ALDH3A2: variants seen among roughly 807,000 people sequenced by gnomAD.
The protein encoded by ALDH3A2 is aldehyde dehydrogenase family 3 member A2.
A neutral mutation model predicts 51.3 loss-of-function variants in ALDH3A2; 36 were observed. The ratio of observed to expected loss-of-function variants is 0.70; its 90% CI spans 0.54 to 0.93. The LOEUF is 0.93. Ranked by LOEUF, ALDH3A2 falls within the 40% of genes least tolerant of loss-of-function variation. ALDH3A2 has a pLI of 0.00. For missense variants in ALDH3A2, 552 were observed against 603.1 expected (o/e 0.92, Z 0.89); for synonymous variants, 199 against 219.8 (o/e 0.91, Z 0.84).
Position 19,661,382 on chromosome 17 carries a change from C to T in ALDH3A2, c.940+114C>T, listed in dbSNP as rs1008615130. On this transcript the variant is annotated intron_variant, in intron 6 of 9. Coordinates refer to ENST00000176643, the MANE Select transcript of ALDH3A2 (RefSeq NM_000382.3). ...TATATAGCATTTAATTGTTAAAGTA[C>T]TAAATCCTGCTTTCTGGTATACTGT... 2.4e-6 allele frequency: 3 copies of T among 1,227,874 alleles called. No individual in the cohort carries two copies. In the African/African-American group the frequency reaches 4.5e-5, roughly 19 times the overall value. 76.1% of individuals were successfully genotyped at this position (1,227,874 alleles called of 1,614,324 possible).
intron 9 of ALDH3A2, chr17:19,672,338 G>A: frequency 4.0e-6 from 1 of 247,006 alleles, no homozygotes; most frequent in Non-Finnish European, 7.9e-6. Flanking sequence ...TTTTGGTATT[G>A]GACTTTCCTT....
chr17:19,667,178 A>G (rs2085050224), intron 8 of ALDH3A2, among the ~76,000 whole-genome samples: 1 of 152,186 alleles, frequency 6.6e-6, no homozygotes, highest in African/African-American at 2.4e-5. Flanking sequence ...ATCATACTAT[A>G]TATTGTTCTG....
At chr17:19,670,907 T>A (rs903034602) in intron 8 of ALDH3A2, among the ~76,000 whole-genome samples, 3 of 152,054 alleles carry the variant, frequency 2.0e-5, no homozygotes, top group Non-Finnish European at 4.4e-5. Context: ...TTTCTCATGG[T>A]CTTGTCCTTG....
At position 19,677,234 on chromosome 17, in the gene ALDH3A2, A is replaced by G. The variant is rs2085204403; in HGVS notation, c.*1662A>G. The G allele has an allele frequency of 6.6e-6, 1 of 152,242 alleles. No individual in the cohort carries two copies. 9.4% of individuals were successfully genotyped at this position (152,242 alleles called of 1,614,324 possible). On this transcript the variant is annotated 3_prime_UTR_variant, in exon 10 of 10. Transcript: ENST00000176643. ...TGTGATTTACTTTATAGAACGTATAATCAACTTTGTTGAATAATTTGTTCT... is the reference window on the plus strand; with the variant it reads ...TGTGATTTACTTTATAGAACGTATAGTCAACTTTGTTGAATAATTTGTTCT...
chr17:19,649,081 G>A lies in ALDH3A2; in HGVS notation c.110G>A (p.Arg37His). 1 of 1,583,428 alleles carries A rather than the reference G, an allele frequency of 6.3e-7. No homozygotes were observed. The highest frequency in any genetic ancestry group is 8.6e-7 in the Non-Finnish European group (1 of 1,165,444). Residue 37 changes from arginine to histidine, a missense_variant, in exon 1 of 10, where the codon CGC becomes CAC. Arg to His is a conservative substitution (Grantham distance 29). Coordinates refer to ENST00000176643, the MANE Select transcript of ALDH3A2 (RefSeq NM_000382.3). ...GCCCTGCGGAGGATGGTGCAGGAGC[G>A]CGAGAAGGATATCCTGACGGCCATC... is the stretch of plus-strand genomic sequence containing the variant. ...LEALRRMVQE[R>H]EKDILTAIAA...
Position 19,648,931 on chromosome 17 carries a change from C to G in ALDH3A2, c.-41C>G. 6.5e-7 allele frequency: 1 copy of G among 1,550,026 alleles called. No homozygotes were observed. The highest frequency in any genetic ancestry group is 8.7e-7 in the Non-Finnish European group (1 of 1,146,754). On this transcript the variant is annotated 5_prime_UTR_variant, in exon 1 of 10. Transcript: ENST00000176643. ...CTGCATGCTTCCCGCCTCCCACTCCCCAGCGCCCCCGGACCGTGCAGTTCT... is the reference window on the plus strand; with the variant it reads ...CTGCATGCTTCCCGCCTCCCACTCCGCAGCGCCCCCGGACCGTGCAGTTCT...
chr17:19,673,456 G>T (rs543800473), intron 9 of ALDH3A2, among the ~76,000 whole-genome samples: 33 of 151,710 alleles, frequency 2.2e-4, no homozygotes, highest in African/African-American at 7.7e-4. Context: ...AGTGGCTCAC[G>T]CCTGTAATCC....
chr17:19,654,537 CCCT>C lies in ALDH3A2; in HGVS notation c.472-1824_472-1822del, dbSNP rs1207603303. On this transcript the variant is annotated intron_variant, in intron 3 of 9. Transcript: ENST00000176643. The surrounding 1 kb of genome is among the most constrained non-coding windows in gnomAD (Gnocchi z 4.5). Reference sequence around the variant, plus strand: ...TGGCATTGCTGGGGGACCCGGGGCACCCTCCTCAGCAGCTGGCCCAGGTGCTAA... The same window carrying C: ...TGGCATTGCTGGGGGACCCGGGGCACCCTCAGCAGCTGGCCCAGGTGCTAA... Among the ~76,000 whole-genome samples, 5 of 152,292 alleles carry C rather than the reference CCCT, an allele frequency of 3.3e-5. No individual in the cohort carries two copies. Among genetic ancestry groups the C allele is most frequent in the Non-Finnish European group, 7.4e-5 (5 of 67,998 alleles).
rs934749419 is a variant in ALDH3A2 at position 19,661,160 on chromosome 17, G to A, written c.832G>A (p.Asp278Asn). The A allele has an allele frequency of 3.1e-6, 5 of 1,612,404 alleles. No homozygotes were observed. The highest frequency in any genetic ancestry group is 4.2e-6 in the Non-Finnish European group (5 of 1,178,584). The change falls in exon 6 of 10, where the codon GAT (aspartate) becomes AAT (asparagine). Residue 278 changes from aspartate (D) to asparagine (N), a missense_variant. Physicochemically the swap from Asp to Asn is conservative, Grantham distance 23 (BLOSUM62 1). Transcript: ENST00000176643. The stretch of plus-strand genomic sequence containing the variant: ...TGGAGAAAATATAAAAGAGTCTCCT[G>A]ATTATGAAAGGATCATCAATCTTCG... ...FYGENIKESP[D>N]YERIINLRHF...
Position 19,654,608 on chromosome 17 carries a change from G to A in ALDH3A2, c.472-1758G>A, listed in dbSNP as rs1022029784. On this transcript the variant is annotated intron_variant, in intron 3 of 9. Coordinates refer to ENST00000176643, the MANE Select transcript of ALDH3A2 (RefSeq NM_000382.3). This position sits in a 1 kb window ranked among gnomAD's most constrained non-coding sequence, Gnocchi z 4.5. ...GCTGGCGGCGCCGGCCAGCTGCTCC[G>A]AGTGTGGGGCCCATTGAGCCTGCGC... Among the ~76,000 whole-genome samples the A allele has an allele frequency of 1.3e-5, 2 of 152,124 alleles. No individual in the cohort carries two copies. The highest frequency in any genetic ancestry group is 2.4e-5 in the African/African-American group (1 of 41,424).
intron 1 of ALDH3A2, among the ~76,000 whole-genome samples, chr17:19,650,742 C>T (rs891646520): frequency 1.3e-5 from 2 of 152,280 alleles, no homozygotes; most frequent in African/African-American, 2.4e-5. Flanking sequence ...CGTGAGCCAC[C>T]GTGCCTGGCC....
intron 8 of ALDH3A2, among the ~76,000 whole-genome samples, 197 bp from the exon 9 acceptor site, chr17:19,671,524 T>C (rs1223981283): frequency 2.6e-5 from 4 of 152,222 alleles, no homozygotes; most frequent in East Asian, 1.9e-4. Flanking sequence ...ATGGAAAGCA[T>C]CCTGTTTGAC....
chr17:19,656,291 T>G, intron 3 of ALDH3A2, 75 bp from the exon 4 acceptor site: 1 of 1,277,920 alleles, frequency 7.8e-7, no homozygotes, highest in Admixed American at 1.8e-5. Flanking sequence ...TACATGTTTA[T>G]GTTGAAGAGA....
intron 3 of ALDH3A2, among the ~76,000 whole-genome samples, chr17:19,653,740 G>A (rs1178012353): frequency 2.6e-5 from 4 of 152,212 alleles, no homozygotes; most frequent in Non-Finnish European, 5.9e-5. Flanking sequence ...AAGACTGAAA[G>A]AACAAAGCTT....
intron 3 of ALDH3A2, among the ~76,000 whole-genome samples, chr17:19,655,816 G>A (rs1450385101): frequency 6.6e-6 from 1 of 152,228 alleles, no homozygotes; most frequent in Non-Finnish European, 1.5e-5. Context: ...AGGAAATTGA[G>A]GCTCAGAGAT....
chr17:19,662,920 A>G (rs926567558), intron 6 of ALDH3A2, among the ~76,000 whole-genome samples: 11 of 152,026 alleles, frequency 7.2e-5, no homozygotes, highest in Non-Finnish European at 1.0e-4. Flanking sequence ...CAGGAGAATC[A>G]CTTGAACTCC....
chr17:19,657,705 T>G, intron 4 of ALDH3A2, 40 bp from the exon 5 acceptor site: 1 of 283,984 alleles, frequency 3.5e-6, no homozygotes, highest in Non-Finnish European at 4.9e-6. Flanking sequence ...TTTGACTGAA[T>G]TACTGAATTA....
At chr17:19,671,286 T>C (rs986151240) in intron 8 of ALDH3A2, among the ~76,000 whole-genome samples, 3 of 152,096 alleles carry the variant, frequency 2.0e-5, no homozygotes, top group Non-Finnish European at 4.4e-5. Flanking sequence ...GCATTTAGAG[T>C]CTGATCCAGG....
chr17:19,649,791 C>T (rs1387893387), intron 1 of ALDH3A2: 1 of 152,478 alleles, frequency 6.6e-6, no homozygotes, highest in Non-Finnish European at 1.5e-5. Flanking sequence ...GGGGTGGGAT[C>T]TGAGATTCCA....
Sources: gnomAD v4.1 joint callset for allele counts (sites outside exome capture counted in the v4.1 genomes callset) on GRCh38, gnomAD v4.1.1 for gene constraint, Gnocchi (gnomAD v3.1) non-coding constraint, MANE v1.5 for transcripts, NCBI Gene and HGNC (gene_info 2026-07-23, HGNC 2026-07-21) for gene names.